The following THSD4 variants were observed in gnomAD, a reference collection of about 807,000 sequenced individuals.
THSD4 encodes the protein thrombospondin type-1 domain-containing protein 4.
In THSD4, 69 loss-of-function variants were observed where a neutral mutation model predicts 119.0. The observed-to-expected ratio is 0.58, with a 90% CI of 0.48 to 0.71. The LOEUF (loss-of-function observed/expected upper bound fraction) is 0.71. Among genes scored for constraint, THSD4 ranks in the 30% least tolerant of loss-of-function variants. THSD4 has a pLI of 0.00. For synonymous variants in THSD4, 524 were observed against 540.4 expected, an observed-to-expected ratio of 0.97 and a Z score of 0.42; for missense variants, 1,393 against 1,391.1, an observed-to-expected ratio of 1.00 and a Z score of -0.02.
chr15:71,359,458 G>C (rs190036590), intron 6 of THSD4, among the ~76,000 whole-genome samples: 1 of 152,210 alleles, frequency 6.6e-6, no homozygotes, highest in African/African-American at 2.4e-5. Flanking sequence ...CTGAGGCTTA[G>C]TGAAGTTAAG....
chr15:71,755,706 C>CAAAAAAAAAAAAAAAAAAAAAAAAAAA (rs10555546), intron 14 of THSD4, among the ~76,000 whole-genome samples: 1 of 50,280 alleles, frequency 2.0e-5, no homozygotes, highest in Non-Finnish European at 3.9e-5. Flanking sequence ...TCAGCAAAGA[C>CAAAAAAAAAAAAAAAAAAAAAAAAAAA]AAAAAAAAAA....
At chr15:71,130,089 G>A (rs1252000066) in intron 1 of THSD4, among the ~76,000 whole-genome samples, 1 of 152,182 alleles carries the variant, frequency 6.6e-6, no homozygotes, top group Non-Finnish European at 1.5e-5. Flanking sequence ...AGGGGCCCAG[G>A]CTGCAGCCTG....
chr15:71,676,401 C>T (rs1426036334), intron 8 of THSD4, among the ~76,000 whole-genome samples: 2 of 152,072 alleles, frequency 1.3e-5, no homozygotes, highest in Non-Finnish European at 2.9e-5. Context: ...CCTGCCTCAG[C>T]CTCTTAAGTA....
chr15:71,403,795 C>G (rs1221509164), intron 6 of THSD4, among the ~76,000 whole-genome samples: 5 of 152,218 alleles, frequency 3.3e-5, no homozygotes, highest in Admixed American at 2.6e-4. Context: ...GGGCCCTGCC[C>G]TTATGCATTG....
At chr15:71,606,795 C>T (rs2050118937) in intron 7 of THSD4, among the ~76,000 whole-genome samples, 1 of 152,188 alleles carries the variant, frequency 6.6e-6, no homozygotes, top group African/African-American at 2.4e-5. Flanking sequence ...CTGCCTCAGC[C>T]TCCCAGAGTG....
At chr15:71,559,609 T>C (rs1208653284) in intron 7 of THSD4, among the ~76,000 whole-genome samples, 1 of 151,960 alleles carries the variant, frequency 6.6e-6, no homozygotes, top group African/African-American at 2.4e-5. Flanking sequence ...GTAATTTTTC[T>C]AGACCTCTGC....
At chr15:71,532,263 T>TGAGAGAGAGAGAGAGAGA (rs112859786) in intron 7 of THSD4, among the ~76,000 whole-genome samples, 727 of 71,034 alleles carry the variant, frequency 0.01, 11 homozygotes, top group East Asian at 0.023. Context: ...CAACAAAGGG[T>TGAGAGAGAGAGAGAGAGA]GAGAGAGAGA....
chr15:71,328,059 C>T (rs111711078), intron 6 of THSD4, among the ~76,000 whole-genome samples: 8 of 152,234 alleles, frequency 5.3e-5, no homozygotes, highest in African/African-American at 1.9e-4. Context: ...GTCCTCCTTT[C>T]TCAAACCTTG....
At chr15:71,245,572 GC>G (rs1405335892) in intron 5 of THSD4, among the ~76,000 whole-genome samples, 5 of 152,138 alleles carry the variant, frequency 3.3e-5, no homozygotes, top group Admixed American at 1.3e-4. Context: ...AGGAAACCAG[GC>G]ATAAGCTCTC....
At chr15:71,708,560 A>AT (rs561166060) in intron 8 of THSD4, among the ~76,000 whole-genome samples, 53 of 152,222 alleles carry the variant, frequency 3.5e-4, no homozygotes, top group African/African-American at 1.2e-3. Context: ...CAGCTGTGAG[A>AT]TTTTTTTTCA....
chr15:71,438,027 A>G (rs1215836494), intron 7 of THSD4, among the ~76,000 whole-genome samples: 1 of 152,220 alleles, frequency 6.6e-6, no homozygotes, highest in African/African-American at 2.4e-5. Context: ...CCTTGGGTGA[A>G]GAATTTAAGG....
chr15:71,264,286 A>C (rs2044438893), intron 6 of THSD4, among the ~76,000 whole-genome samples: 1 of 152,194 alleles, frequency 6.6e-6, no homozygotes, highest in Admixed American at 6.5e-5. Flanking sequence ...ATAATCCATA[A>C]TCCTGTGAAT....
At chr15:71,641,650 T>A (rs184699582) in intron 7 of THSD4, among the ~76,000 whole-genome samples, 1 of 152,144 alleles carries the variant, frequency 6.6e-6, no homozygotes, top group Non-Finnish European at 1.5e-5. Flanking sequence ...TTTCTACTTA[T>A]GGTGATTTTC....
intron 7 of THSD4, among the ~76,000 whole-genome samples, chr15:71,634,499 C>T (rs987522543): frequency 6.6e-6 from 1 of 152,206 alleles, no homozygotes; most frequent in Admixed American, 6.5e-5. Flanking sequence ...ATCTGCGTCC[C>T]AATGCCATGT....
intron 7 of THSD4, among the ~76,000 whole-genome samples, chr15:71,626,946 C>G (rs2050521306): frequency 6.6e-6 from 1 of 152,166 alleles, no homozygotes; most frequent in African/African-American, 2.4e-5. Context: ...TTTGATAGAA[C>G]TTACCCATAA....
intron 6 of THSD4, among the ~76,000 whole-genome samples, chr15:71,269,040 A>G (rs1033659662): frequency 1.3e-5 from 2 of 152,206 alleles, no homozygotes; most frequent in Admixed American, 1.3e-4. Flanking sequence ...AGGTACAAAG[A>G]GGAGCTGGTA....
intron 6 of THSD4, among the ~76,000 whole-genome samples, chr15:71,297,311 TC>T (rs1681800008): frequency 1.9e-5 from 2 of 105,060 alleles, no homozygotes; most frequent in South Asian, 6.5e-4. Flanking sequence ...TTTGCTCTCC[TC>T]TTCTTTTTTT....
rs533495824 is a variant in THSD4, at chr15:71,324,310, ATTTT to A, written c.1015+67599_1015+67602del. 2.2e-4 allele frequency among the ~76,000 whole-genome samples: 34 copies of A among 152,040 alleles called. No homozygotes were observed. The South Asian group carries it at 4.2e-3, about 19-fold the overall frequency. ...GAGTGTGCAATAATTTTTTAAAAATATTTTTTTATTTCAATAGCTTTTGGAGTAC... is the reference window on the plus strand; with the variant it reads ...GAGTGTGCAATAATTTTTTAAAAATATTTATTTCAATAGCTTTTGGAGTAC... On this transcript the variant is annotated intron_variant, in intron 6 of 17. Coordinates refer to ENST00000261862, the MANE Select transcript of THSD4 (RefSeq NM_024817.3).
intron 7 of THSD4, among the ~76,000 whole-genome samples, chr15:71,501,452 G>A (rs1276969457): frequency 6.6e-6 from 1 of 152,156 alleles, no homozygotes; most frequent in Non-Finnish European, 1.5e-5. Context: ...GCTGTGTTCT[G>A]TTCATTCTCA....
Sources: allele counts gnomAD v4.1 joint callset (sites outside exome capture counted in the v4.1 genomes callset), GRCh38; gene constraint gnomAD v4.1.1; transcripts MANE v1.5; gene names NCBI Gene and HGNC (gene_info 2026-07-23, HGNC 2026-07-21).